The following AGBL1 variants were observed in gnomAD, a reference collection of about 807,000 sequenced individuals.
AGBL1 encodes the protein AGBL carboxypeptidase 1.
Under a neutral mutation model 118.9 loss-of-function variants are expected in AGBL1, and 130 were observed. The ratio of observed to expected loss-of-function variants is 1.09; its 90% confidence interval spans 0.95 to 1.26. The LOEUF (loss-of-function observed/expected upper bound fraction) is 1.26. AGBL1 is among the 50% of genes most tolerant of loss of function. The pLI is 0.00. For synonymous variants in AGBL1, 555 were observed against 478.9 expected (o/e 1.16, Z -2.08); for missense variants, 1,584 against 1,298.1 (o/e 1.22, Z -3.38).
Position 86,646,076 on chromosome 15 carries a change from C to T in AGBL1, c.2995-28197C>T, listed in dbSNP as rs530641239. 6.6e-5 allele frequency among the ~76,000 whole-genome samples: 10 copies of T among 152,194 alleles called. 1 individual carries two copies. The South Asian group carries it at 1.5e-3, about 22-fold the overall frequency. On this transcript the variant is annotated intron_variant, in intron 21 of 22. Transcript: ENST00000614907. The stretch of plus-strand genomic sequence containing the variant: ...CAGCCAGGTTGGGAGTGTATCTTGG[C>T]GTGTAGCAGAATATCTGAGTGTTTA...
chr15:86,818,547 T>A (rs2078897142), intron 22 of AGBL1, among the ~76,000 whole-genome samples: 1 of 152,174 alleles, frequency 6.6e-6, no homozygotes, highest in Admixed American at 6.5e-5. Context: ...CAAATTGTTT[T>A]CCACAAAGCA....
At chr15:86,257,054 G>A (rs1476463621) in intron 8 of AGBL1, 36 bp downstream of exon 8, 6 of 1,584,886 alleles carry the variant, frequency 3.8e-6, no homozygotes, top group East Asian at 4.5e-5. Flanking sequence ...TTTAAGATGA[G>A]TTTTTGCATT....
intron 22 of AGBL1, among the ~76,000 whole-genome samples, chr15:86,679,964 G>A (rs1169232647): frequency 6.6e-6 from 1 of 152,092 alleles, no homozygotes; most frequent in African/African-American, 2.4e-5. Context: ...GCCTATATTT[G>A]TGAGTGAGTG....
At chr15:86,556,307 T>A in intron 21 of AGBL1, 2 of 1,594,670 alleles carry the variant, frequency 1.3e-6, no homozygotes, top group African/African-American at 2.7e-5. Flanking sequence ...GCATTTATCT[T>A]GTGAAATTTT....
chr15:86,956,113 A>G (rs2080927689), intron 23 of AGBL1, among the ~76,000 whole-genome samples: 1 of 152,080 alleles, frequency 6.6e-6, no homozygotes, highest in African/African-American at 2.4e-5. Flanking sequence ...TGGGTCCATT[A>G]ACTAGGAAAA....
chr15:86,892,538 A>G (rs1036185004), intron 22 of AGBL1, among the ~76,000 whole-genome samples: 7 of 152,156 alleles, frequency 4.6e-5, no homozygotes, highest in Middle Eastern at 3.2e-3. Context: ...TATTGGGAAA[A>G]TTATCTAAAC....
chr15:86,928,818 G>T (rs917411539), intron 23 of AGBL1, among the ~76,000 whole-genome samples: 4 of 151,946 alleles, frequency 2.6e-5, no homozygotes, highest in Admixed American at 6.6e-5. Context: ...TTACATGTGA[G>T]GTTGCTGAAT....
At chr15:86,332,709 A>G (rs973385873) in intron 17 of AGBL1, among the ~76,000 whole-genome samples, 3 of 151,952 alleles carry the variant, frequency 2.0e-5, no homozygotes, top group Non-Finnish European at 4.4e-5. Context: ...TGGACCTCAT[A>G]GATGTCTACA....
At chr15:86,281,490 G>C (rs1210497566) in intron 16 of AGBL1, among the ~76,000 whole-genome samples, 2 of 152,190 alleles carry the variant, frequency 1.3e-5, no homozygotes, top group Non-Finnish European at 2.9e-5. Flanking sequence ...TTGGGTAAGT[G>C]ATCATGGATC....
intron 22 of AGBL1, among the ~76,000 whole-genome samples, chr15:86,885,397 A>G (rs191741123): frequency 6.6e-6 from 1 of 152,330 alleles, no homozygotes; most frequent in Admixed American, 6.5e-5. Flanking sequence ...AAGGTTTTTC[A>G]GCAGCTGACT....
At chr15:86,966,295 A>G (rs1020753933) in intron 23 of AGBL1, among the ~76,000 whole-genome samples, 1 of 144,668 alleles carries the variant, frequency 6.9e-6, no homozygotes, top group Non-Finnish European at 1.5e-5. Context: ...TTTTTTTTTT[A>G]ACAGAAATCC....
chr15:86,981,659 C>T (rs1405198395), intron 23 of AGBL1, among the ~76,000 whole-genome samples: 1 of 152,130 alleles, frequency 6.6e-6, no homozygotes, highest in African/African-American at 2.4e-5. Context: ...TACAGTTGCA[C>T]CTTTTTTTGA....
rs181991911 is a variant in AGBL1 at position 86,276,728 on chromosome 15, G to A, written c.2076-2911G>A. ...TTAGCTAAATAAGGAAGATGGAAAG[G>A]GCTTTCCATACAAAGCAAGAACATG... On this transcript the variant is annotated intron_variant, in intron 15 of 22. Coordinates refer to ENST00000614907, the MANE Select transcript of AGBL1 (RefSeq NM_001386094.1). 9.8e-4 allele frequency among the ~76,000 whole-genome samples: 149 copies of A among 152,242 alleles called. 3 individuals carry two copies. The Middle Eastern group carries it at 0.014, about 14-fold the overall frequency.
At chr15:86,522,767 T>C in intron 18 of AGBL1, 43 bp from the exon 19 acceptor site, 1 of 1,595,604 alleles carries the variant, frequency 6.3e-7, no homozygotes, top group Non-Finnish European at 8.6e-7. Flanking sequence ...CAAGTTATTT[T>C]CTTCTGAATG....
intron 21 of AGBL1, among the ~76,000 whole-genome samples, chr15:86,585,487 G>A (rs1052585996): frequency 3.3e-5 from 5 of 152,016 alleles, no homozygotes; most frequent in Admixed American, 2.0e-4. Context: ...TTGAACTCCC[G>A]AGTGGCTGGA....
At position 86,556,211 on chromosome 15, in the gene AGBL1, T is replaced by G. The variant is rs369217807; in HGVS notation, c.2994+1674T>G. The G allele has an allele frequency of 1.7e-4, 275 of 1,609,068 alleles. 1 individual carries two copies. Among genetic ancestry groups the G allele is most frequent in the Non-Finnish European group, 2.2e-4 (264 of 1,176,556 alleles). On this transcript the variant is annotated intron_variant, in intron 21 of 22. Coordinates refer to ENST00000614907, the MANE Select transcript of AGBL1 (RefSeq NM_001386094.1). ...CATAGGTTCAGGCCCTCACCAACTC[T>G]CTACTGTGCAGTGTACACAGAGGCT... is the stretch of plus-strand genomic sequence containing the variant.
intron 1 of AGBL1, among the ~76,000 whole-genome samples, chr15:86,130,320 T>A (rs1298775387): frequency 6.6e-6 from 1 of 152,198 alleles, no homozygotes; most frequent in African/African-American, 2.4e-5. Flanking sequence ...CTTCTTTTTT[T>A]TTAAATTTTA....
intron 1 of AGBL1, among the ~76,000 whole-genome samples, chr15:86,082,143 A>C (rs1895330107): frequency 6.6e-6 from 1 of 152,252 alleles, no homozygotes. Context: ...CTACGGTAGA[A>C]GTCAGAACTC....
intron 17 of AGBL1, among the ~76,000 whole-genome samples, chr15:86,312,662 G>A (rs1369768555): frequency 1.3e-5 from 2 of 152,200 alleles, no homozygotes. Context: ...TGAGCAACGA[G>A]TCCAGGTGGC....
Sources: gnomAD v4.1 joint callset for allele counts (sites outside exome capture counted in the v4.1 genomes callset) on GRCh38, gnomAD v4.1.1 for gene constraint, MANE v1.5 for transcripts, NCBI Gene and HGNC (gene_info 2026-07-23, HGNC 2026-07-21) for gene names.